The following PASK variants were observed in gnomAD, a reference collection of about 807,000 sequenced individuals.
The protein encoded by PASK is PAS domain containing serine/threonine kinase.
A neutral mutation model predicts 121.0 loss-of-function variants in PASK; 110 were observed. That is an observed-to-expected ratio of 0.91 (90% CI 0.78 to 1.06). The LOEUF (loss-of-function observed/expected upper bound fraction) is 1.06. Ranked by LOEUF, PASK falls within the 50% of genes least tolerant of loss-of-function variation. PASK has a pLI of 0.00. For synonymous variants in PASK, 686 were observed against 717.8 expected (o/e 0.96, Z 0.71); for missense variants, 1,643 against 1,702.3 (o/e 0.97, Z 0.61).
chr2:241,133,305 C>T (rs545236214), intron 8 of PASK: 2 of 492,700 alleles, frequency 4.1e-6, no homozygotes, highest in South Asian at 2.0e-5. Flanking sequence ...TCCAACAGCT[C>T]CCATCTGACT....
rs779041258 is a variant in PASK, at chr2:241,126,920, C to G, written c.1995G>C (p.Gln665His). The G allele has an allele frequency of 5.0e-6, 8 of 1,614,020 alleles. No homozygotes were observed. In the East Asian group the frequency reaches 1.8e-4, roughly 36 times the overall value. ...CTCCTGCAAGGCTCAACTGGGACAG[C>G]TGCTCCTTAATCAAGCAGGTCTGCA... is the stretch of plus-strand genomic sequence containing the variant. ...EELQTCLIKE[Q>H]LSQLSLAGAL... Residue 665 changes from glutamine (Q) to histidine (H), a missense_variant, in exon 10 of 18, where the codon CAG (glutamine) becomes CAC (histidine). Coordinates refer to ENST00000234040, the MANE Select transcript of PASK (RefSeq NM_015148.4).
chr2:241,139,471 T>C (rs1466216784), intron 4 of PASK: 3 of 474,192 alleles, frequency 6.3e-6, no homozygotes, highest in Non-Finnish European at 1.3e-5. Flanking sequence ...TCTAGGGAAA[T>C]GCTTCCAGGC....
chr2:241,137,271 G>A lies in PASK; in HGVS notation c.877-7C>T, dbSNP rs1203111416. ...ACCTCTGAATCTTGAGATTCTGAAA[G>A]AAAGGCTTGTCGTTTGGCTTAAGCC... is the stretch of plus-strand genomic sequence containing the variant. On this transcript the variant is annotated splice_polypyrimidine_tract_variant and splice_region_variant and intron_variant, in intron 6 of 17. Transcript: ENST00000234040. The A allele has an allele frequency of 2.5e-6, 4 of 1,612,508 alleles. No individual in the cohort carries two copies. The African/African-American group carries it at 4.0e-5, about 16-fold the overall frequency.
intron 4 of PASK, among the ~76,000 whole-genome samples, chr2:241,139,183 G>C (rs1480903921): frequency 6.6e-6 from 1 of 152,212 alleles, no homozygotes; most frequent in Non-Finnish European, 1.5e-5. Flanking sequence ...CATCAGTTCA[G>C]TTCAAGCAAT....
In PASK at chr2:241,115,378, C is replaced by T; in HGVS notation, c.3108G>A (p.Leu1036=). 6.2e-7 allele frequency: 1 copy of T among 1,613,756 alleles called. No homozygotes were observed. Among genetic ancestry groups the T allele is most frequent in the Non-Finnish European group, 8.5e-7 (1 of 1,179,754 alleles). The change falls in exon 13 of 18, where the codon TTG becomes TTA. Residue 1036 remains leucine, a synonymous_variant. Transcript: ENST00000234040. ...TGGGATCCTCAATCCAACAATCCTCCAAGACCTTCTCCTTCTTAATAAACT... is the reference window on the plus strand; with the variant it reads ...TGGGATCCTCAATCCAACAATCCTCTAAGACCTTCTCCTTCTTAATAAACT... The part of the protein sequence containing the change: ...VVKFIKKEKV[L]EDCWIEDPKL...
At position 241,107,409 on chromosome 2, in the gene PASK, T is replaced by C; in HGVS notation, c.3758A>G (p.Gln1253Arg). The change falls in exon 17 of 18, where the codon CAG becomes CGG. Residue 1253 changes from glutamine to arginine, a missense_variant. By Grantham distance (43) the Gln-to-Arg change is conservative (BLOSUM62 1). Transcript: ENST00000234040. Reference sequence around the variant, plus strand: ...TGTATAGTCAGCAAGATTCACAGGCTGTGTTACCCACGGGTCTGTCACCAG... The same window carrying C: ...TGTATAGTCAGCAAGATTCACAGGCCGTGTTACCCACGGGTCTGTCACCAG... ...EKLVTDPWVT[Q>R]PVNLADYTWE... 6.2e-7 allele frequency: 1 copy of C among 1,614,040 alleles called. No homozygotes were observed. The highest frequency in any genetic ancestry group is 8.5e-7 in the Non-Finnish European group (1 of 1,179,868).
At position 241,107,360 on chromosome 2, in the gene PASK, G is replaced by A. The variant is rs144229247; in HGVS notation, c.3807C>T (p.Asn1269=). The change falls in exon 17 of 18, where the codon AAC becomes AAT. Residue 1269 remains asparagine (N), a synonymous_variant. Transcript: ENST00000234040. Reference sequence around the variant, plus strand: ...GATGCTGAGAAGCCTCACCTGGCTTGTTTACTCGAAACACCTCTTCCCATG... The same window carrying A: ...GATGCTGAGAAGCCTCACCTGGCTTATTTACTCGAAACACCTCTTCCCATG... ...DYTWEEVFRV[N]KPESGVLSAA... is the part of the protein sequence containing the mutation. The A allele has an allele frequency of 1.9e-6, 3 of 1,613,792 alleles. No homozygotes were observed. The highest frequency in any genetic ancestry group is 2.7e-5 in the African/African-American group (2 of 74,894).
In PASK at chr2:241,124,149, G is replaced by A. The variant is rs777415190; in HGVS notation, c.2720-16C>T. On this transcript the variant is annotated splice_polypyrimidine_tract_variant and intron_variant, in intron 10 of 17. Coordinates refer to ENST00000234040, the MANE Select transcript of PASK (RefSeq NM_015148.4). ...AACTGTATACCTGAAGGGTGAGAAGGTAAGAACGCACAGGCCTGTGCTGAC... is the reference window on the plus strand; with the variant it reads ...AACTGTATACCTGAAGGGTGAGAAGATAAGAACGCACAGGCCTGTGCTGAC... The A allele has an allele frequency of 6.8e-6, 11 of 1,611,678 alleles. No individual in the cohort carries two copies. The highest frequency in any genetic ancestry group is 8.5e-6 in the Non-Finnish European group (10 of 1,178,228).
Position 241,112,891 on chromosome 2 carries a change from G to A in PASK, c.3334-452C>T, listed in dbSNP as rs577300230. 5.5e-6 allele frequency: 1 copy of A among 181,094 alleles called. No homozygotes were observed. Among genetic ancestry groups the A allele is most frequent in the South Asian group, 1.1e-4 (1 of 8,950 alleles). The allele number at this position is 181,094 out of a possible 1,614,324, so 11.2% of individuals were successfully genotyped here. On this transcript the variant is annotated intron_variant, in intron 14 of 17. Coordinates refer to ENST00000234040, the MANE Select transcript of PASK (RefSeq NM_015148.4). The surrounding 1 kb of genome is among the most constrained non-coding windows in gnomAD (Gnocchi z 5.2). ...CAAGTCGATAACCTCAGCTCACAGG[G>A]AGGGAAAGTGACTTGCCCAGAGTTC...
rs201545635 is a variant in PASK at position 241,136,712 on chromosome 2, A to AC, written c.1137+291dup. 1.4e-3 allele frequency among the ~76,000 whole-genome samples: 206 copies of AC among 152,202 alleles called. 4 individuals are homozygous for AC. The East Asian group carries it at 0.03, about 22-fold the overall frequency. On this transcript the variant is annotated intron_variant, in intron 7 of 17. Transcript: ENST00000234040. Reference sequence around the variant, plus strand: ...GTATTTCTACTAGGGTGAGAAATGAACCCCCGCAGTTGTGTCGTAAACCCT... The same window carrying AC: ...GTATTTCTACTAGGGTGAGAAATGAACCCCCCGCAGTTGTGTCGTAAACCCT...
chr2:241,120,968 A>C (rs1285696888), intron 12 of PASK, among the ~76,000 whole-genome samples: 1 of 152,276 alleles, frequency 6.6e-6, no homozygotes, highest in Non-Finnish European at 1.5e-5. Flanking sequence ...GTGTCTGTTC[A>C]TATAATGGAA....
chr2:241,136,054 AG>A lies in PASK; in HGVS notation c.1138-16del, dbSNP rs765697211. 7 of 1,612,550 alleles carry A rather than the reference AG, an allele frequency of 4.3e-6. No individual in the cohort carries two copies. The East Asian group carries it at 1.3e-4, about 31-fold the overall frequency. On this transcript the variant is annotated splice_polypyrimidine_tract_variant and intron_variant, in intron 7 of 17. Coordinates refer to ENST00000234040, the MANE Select transcript of PASK (RefSeq NM_015148.4). Reference sequence around the variant, plus strand: ...AAAGTGATATTCTAGAAAACAAAGCAGGGACATTTCAGAACCTGGAGGATCC... The same window carrying A: ...AAAGTGATATTCTAGAAAACAAAGCAGGACATTTCAGAACCTGGAGGATCC...
At chr2:241,142,092 T>G in intron 2 of PASK, among the ~76,000 whole-genome samples, 1 of 149,078 alleles carries the variant, frequency 6.7e-6, no homozygotes, top group East Asian at 2.1e-4. Flanking sequence ...CTCCCTGCAG[T>G]ATCCTGGGCA....
chr2:241,130,770 A>G lies in PASK; in HGVS notation c.1463+2104T>C, dbSNP rs1437408226. ...AAGAGAAAGCACCGGCACATCGGCC[A>G]GTGGGAAAGTGGCCCATGAGCTAGG... is the stretch of plus-strand genomic sequence containing the variant. On this transcript the variant is annotated intron_variant, in intron 9 of 17. Coordinates refer to ENST00000234040, the MANE Select transcript of PASK (RefSeq NM_015148.4). Among the ~76,000 whole-genome samples, 3 of 151,866 alleles carry G rather than the reference A, an allele frequency of 2.0e-5. No individual in the cohort carries two copies. The East Asian group carries it at 5.9e-4, about 30-fold the overall frequency.
At chr2:241,128,923 T>C (rs1201345529) in intron 9 of PASK, among the ~76,000 whole-genome samples, 2 of 150,972 alleles carry the variant, frequency 1.3e-5, no homozygotes, top group East Asian at 2.0e-4. Context: ...GAGAAAGGGA[T>C]TGTGAGCCAA....
intron 10 of PASK, 118 bp downstream of exon 10, chr2:241,126,078 C>T (rs2065844718): frequency 1.2e-6 from 1 of 868,700 alleles, no homozygotes; most frequent in South Asian, 1.4e-5. Context: ...AACATGATTT[C>T]TGCTAACACT....
chr2:241,124,615 C>T (rs1281277820), intron 10 of PASK, among the ~76,000 whole-genome samples: 1 of 152,250 alleles, frequency 6.6e-6, no homozygotes, highest in African/African-American at 2.4e-5. Context: ...ATTCCATACC[C>T]ACTTACATAG....
upstream of PASK, chr2:241,149,652 C>A: frequency 1.9e-6 from 3 of 1,541,740 alleles, no homozygotes; most frequent in Middle Eastern, 1.7e-4. Flanking sequence ...GAATAATGGG[C>A]GCCTCCGCCC....
At position 241,115,392 on chromosome 2, in the gene PASK, T is replaced by G; in HGVS notation, c.3094A>C (p.Lys1032Gln). The G allele has an allele frequency of 1.9e-6, 3 of 1,613,812 alleles. No homozygotes were observed. Among genetic ancestry groups the G allele is most frequent in the Non-Finnish European group, 2.5e-6 (3 of 1,179,840 alleles). The part of the protein sequence containing the change: ...NKEVVVKFIK[K>Q]EKVLEDCWIE... ...CAACAATCCTCCAAGACCTTCTCCT[T>G]CTTAATAAACTTCACCACCACCTGT... is the stretch of plus-strand genomic sequence containing the variant. The change falls in exon 13 of 18, where the codon AAG becomes CAG. Residue 1032 changes from lysine to glutamine, a missense_variant. This residue lies in a region of PASK where 453 missense variants were observed against 511.2 expected (regional missense o/e 0.89). Coordinates refer to ENST00000234040, the MANE Select transcript of PASK (RefSeq NM_015148.4).
Sources: gnomAD v4.1 joint callset for allele counts (sites outside exome capture counted in the v4.1 genomes callset) on GRCh38, gnomAD v4.1.1 for gene constraint, gnomAD v4.1.1 regional missense constraint, Gnocchi (gnomAD v3.1) non-coding constraint, MANE v1.5 for transcripts, NCBI Gene and HGNC (gene_info 2026-07-23, HGNC 2026-07-21) for gene names.